RPTOR: variants seen among roughly 807,000 people sequenced by gnomAD.
The protein encoded by RPTOR is regulatory-associated protein of mTOR.
In RPTOR, 21 loss-of-function variants were observed where a neutral mutation model predicts 169.9. That is an observed-to-expected ratio of 0.12 (90% CI 0.09 to 0.18). The LOEUF (loss-of-function observed/expected upper bound fraction) is 0.18. Among genes scored for constraint, RPTOR ranks in the 10% least tolerant of loss-of-function variants. The pLI is 1.00. For synonymous variants in RPTOR, 732 were observed against 753.2 expected, an observed-to-expected ratio of 0.97 and a Z score of 0.46; for missense variants, 1,133 against 1,855.9, an observed-to-expected ratio of 0.61 and a Z score of 7.16.
At chr17:80,893,532 G>A (rs570450353) in intron 19 of RPTOR, among the ~76,000 whole-genome samples, 175 bp from the exon 20 acceptor site, 1 of 150,956 alleles carries the variant, frequency 6.6e-6, no homozygotes, top group Non-Finnish European at 1.5e-5. Flanking sequence ...TATGTCGGGT[G>A]TGTGTACATG....
intron 1 of RPTOR, among the ~76,000 whole-genome samples, chr17:80,551,106 C>T (rs962989632): frequency 6.6e-6 from 1 of 152,090 alleles, no homozygotes. Context: ...CCAGGCTGGT[C>T]TTGAACTCCT....
intron 17 of RPTOR, among the ~76,000 whole-genome samples, chr17:80,888,010 C>T (rs1567968864): frequency 6.6e-6 from 1 of 152,218 alleles, no homozygotes; most frequent in African/African-American, 2.4e-5. Flanking sequence ...CCGGGCTGGG[C>T]AGGAGCCGCA....
intron 3 of RPTOR, among the ~76,000 whole-genome samples, chr17:80,681,304 C>T (rs568001757): frequency 6.6e-6 from 1 of 152,270 alleles, no homozygotes; most frequent in East Asian, 1.9e-4. Context: ...GAGCAGAGTG[C>T]CTGAGTTGTG....
intron 10 of RPTOR, among the ~76,000 whole-genome samples, chr17:80,840,309 C>T (rs1036843253): frequency 3.4e-5 from 5 of 147,876 alleles, no homozygotes; most frequent in African/African-American, 1.0e-4. Context: ...TCACACTCAC[C>T]GCACGGCAGC....
At chr17:80,875,817 A>C (rs1329473908) in intron 13 of RPTOR, among the ~76,000 whole-genome samples, 1 of 117,212 alleles carries the variant, frequency 8.5e-6, no homozygotes, top group Admixed American at 8.9e-5. Flanking sequence ...GGGTCTTCCC[A>C]CCGAGCCCGT....
chr17:80,793,140 T>G (rs1002228662), intron 7 of RPTOR, among the ~76,000 whole-genome samples: 6 of 152,210 alleles, frequency 3.9e-5, no homozygotes, highest in African/African-American at 1.4e-4. Flanking sequence ...TTTTGAGCAC[T>G]GATGTGCTAC....
chr17:80,950,644 G>A (rs1465856638), intron 28 of RPTOR, among the ~76,000 whole-genome samples: 1 of 152,150 alleles, frequency 6.6e-6, no homozygotes, highest in African/African-American at 2.4e-5. Flanking sequence ...ACCCTCTTCT[G>A]GGGTATGACA....
intron 33 of RPTOR, 65 bp from the exon 34 acceptor site, chr17:80,964,197 C>T (rs550614039): frequency 4.5e-6 from 5 of 1,117,328 alleles, no homozygotes; most frequent in Middle Eastern, 1.9e-4. Context: ...TGGCCTGCGC[C>T]CCCCCGCCCC....
intron 1 of RPTOR, among the ~76,000 whole-genome samples, chr17:80,578,074 A>G (rs1430878646): frequency 2.0e-5 from 3 of 152,202 alleles, no homozygotes; most frequent in African/African-American, 7.2e-5. Context: ...CGCCCTCTTT[A>G]AAAAGATTGC....
In RPTOR at chr17:80,658,163, A is replaced by G. The variant is rs536140568; in HGVS notation, c.348+14353A>G. On this transcript the variant is annotated intron_variant, in intron 3 of 33. Transcript: ENST00000306801. Reference sequence around the variant, plus strand: ...CTATGTGGATTTTAAACCCCACAGTATACAGTCAATATTTATTTAGATTTA... The same window carrying G: ...CTATGTGGATTTTAAACCCCACAGTGTACAGTCAATATTTATTTAGATTTA... Among the ~76,000 whole-genome samples, 6 of 152,312 alleles carry G rather than the reference A, an allele frequency of 3.9e-5. 1 individual carries two copies. In the South Asian group the frequency reaches 6.2e-4, roughly 16 times the overall value.
At chr17:80,569,512 G>A (rs1408441012) in intron 1 of RPTOR, among the ~76,000 whole-genome samples, 7 of 152,054 alleles carry the variant, frequency 4.6e-5, no homozygotes, top group East Asian at 3.8e-4. Flanking sequence ...GCAACAGAGC[G>A]AGACTCTGTC....
intron 24 of RPTOR, among the ~76,000 whole-genome samples, chr17:80,934,784 AG>A (rs1567996169): frequency 6.6e-6 from 1 of 152,244 alleles, no homozygotes; most frequent in East Asian, 1.9e-4. Flanking sequence ...GAAAATTAAA[AG>A]GAGTGAACAC....
intron 7 of RPTOR, among the ~76,000 whole-genome samples, chr17:80,807,824 G>C (rs1372227984): frequency 6.6e-6 from 1 of 152,074 alleles, no homozygotes; most frequent in African/African-American, 2.4e-5. Context: ...ATATGCCTTA[G>C]ACTTTGCAGG....
intron 3 of RPTOR, among the ~76,000 whole-genome samples, chr17:80,663,624 A>C (rs1650168550): frequency 1.3e-5 from 2 of 152,108 alleles, no homozygotes; most frequent in African/African-American, 2.4e-5. Context: ...CTTATTATGG[A>C]GTGTGCACGT....
chr17:80,605,222 G>C (rs572725061), intron 1 of RPTOR, among the ~76,000 whole-genome samples: 9 of 152,342 alleles, frequency 5.9e-5, no homozygotes, highest in Admixed American at 2.6e-4. Context: ...GGGTGAAGAA[G>C]GAAGAAAGGC....
intron 4 of RPTOR, among the ~76,000 whole-genome samples, chr17:80,728,926 T>C (rs1280164832): frequency 6.6e-6 from 1 of 152,238 alleles, no homozygotes; most frequent in Non-Finnish European, 1.5e-5. Flanking sequence ...GCAGTGATTA[T>C]AAACAGTCCA....
At chr17:80,821,922 G>A (rs371660840) in intron 7 of RPTOR, among the ~76,000 whole-genome samples, 26 of 152,360 alleles carry the variant, frequency 1.7e-4, no homozygotes, top group East Asian at 7.7e-4. Context: ...AACCATGTGT[G>A]TGACCAGCTG....
At chr17:80,567,041 G>C (rs1344486366) in intron 1 of RPTOR, among the ~76,000 whole-genome samples, 1 of 151,600 alleles carries the variant, frequency 6.6e-6, no homozygotes, top group African/African-American at 2.4e-5. Context: ...CATGATCTCG[G>C]CTCACTGCAA....
rs924565706 is a variant in RPTOR, at chr17:80,949,600, C to T, written c.3370+53C>T. 84 of 1,468,358 alleles carry T rather than the reference C, an allele frequency of 5.7e-5. 2 individuals are homozygous for T. The highest frequency in any genetic ancestry group is 4.6e-4 in the South Asian group (41 of 88,328). The allele number at this position is 1,468,358 out of a possible 1,614,324, so 91.0% of individuals were successfully genotyped here. On this transcript the variant is annotated intron_variant, in intron 28 of 33. Coordinates refer to ENST00000306801, the MANE Select transcript of RPTOR (RefSeq NM_020761.3). ...CAGAATGTGTTCCCGGGGCTGCGGA[C>T]GCACTCGGAATTCCAAGGCCCTTCT...
Sources: allele counts gnomAD v4.1 joint callset (sites outside exome capture counted in the v4.1 genomes callset), GRCh38; gene constraint gnomAD v4.1.1; transcripts MANE v1.5; gene names NCBI Gene and HGNC (gene_info 2026-07-23, HGNC 2026-07-21).